The following EPCAM variants were observed in gnomAD, a reference collection of about 807,000 sequenced individuals.
EPCAM encodes the protein epithelial cell adhesion molecule.
EPCAM carries 39 observed loss-of-function variants against 40.0 expected under a neutral mutation model. The ratio of observed to expected loss-of-function variants is 0.98; its 90% CI spans 0.76 to 1.27. The LOEUF (loss-of-function observed/expected upper bound fraction) is 1.27. Ranked by LOEUF, EPCAM falls within the 50% of genes most tolerant of loss-of-function variation. The probability of loss-of-function intolerance (pLI) is 0.00; values close to 1 mark genes in which losing one functional copy is unlikely to be tolerated. For missense variants in EPCAM, 503 were observed against 381.2 expected (o/e 1.32, Z -2.66); for synonymous variants, 168 against 132.3 (o/e 1.27, Z -1.85).
At chr2:47,373,205 TAAAAAAAAA>T (rs777057814) in intron 1 of EPCAM, among the ~76,000 whole-genome samples, 4 of 65,056 alleles carry the variant, frequency 6.1e-5, no homozygotes, top group South Asian at 5.6e-4. Context: ...ACCCTATCTT[TAAAAAAAAA>T]AAAAAAAAAA....
At position 47,379,951 on chromosome 2, in the gene EPCAM, T is replaced by C; in HGVS notation, c.840T>C (p.Val280=). The change falls in exon 7 of 9, where the codon GTT becomes GTC. Residue 280 remains valine (V), a synonymous_variant. Coordinates refer to ENST00000263735, the MANE Select transcript of EPCAM (RefSeq NM_002354.3). The part of the protein sequence containing the change: ...AVIVVVVIAV[V]AGIVVLVISR... ...TTGTGGTTGTGGTGATAGCAGTTGTTGCTGGAATTGTTGTGCTGGTGAGTA... is the reference window on the plus strand; with the variant it reads ...TTGTGGTTGTGGTGATAGCAGTTGTCGCTGGAATTGTTGTGCTGGTGAGTA... 6.2e-7 allele frequency: 1 copy of C among 1,612,874 alleles called. No homozygotes were observed.
rs761536076 is a variant in EPCAM at position 47,373,443 on chromosome 2, T to C, written c.77-20T>C. 2 of 1,228,814 alleles carry C rather than the reference T, an allele frequency of 1.6e-6. No individual in the cohort carries two copies. Among genetic ancestry groups the C allele is most frequent in the Non-Finnish European group, 2.3e-6 (2 of 857,964 alleles). The allele number at this position is 1,228,814 out of a possible 1,614,324, so 76.1% of individuals were successfully genotyped here. On this transcript the variant is annotated intron_variant, in intron 1 of 8. Transcript: ENST00000263735. ...TAATAGATCCACATTTTAAAGTAGATTTTTTTTTTAATTTTCTAGAATGTG... is the reference window on the plus strand; with the variant it reads ...TAATAGATCCACATTTTAAAGTAGACTTTTTTTTTAATTTTCTAGAATGTG...
chr2:47,369,794 A>C (rs1671174996), intron 1 of EPCAM: 1 of 689,466 alleles, frequency 1.5e-6, no homozygotes, highest in Admixed American at 2.0e-5. Flanking sequence ...CTCACTTCGC[A>C]GCTTTGCTCG....
intron 1 of EPCAM, chr2:47,369,806 C>T (rs1398682407): frequency 2.4e-5 from 16 of 677,436 alleles, no homozygotes; most frequent in Middle Eastern, 4.8e-4. Context: ...CTTTGCTCGC[C>T]TTGGTAGGGA....
rs543852939 is a variant in EPCAM, at chr2:47,377,859, A to G, written c.555+782A>G. The G allele has an allele frequency of 1.4e-5, 6 of 425,124 alleles. No homozygotes were observed. The East Asian group carries it at 4.7e-4, about 34-fold the overall frequency. 26.3% of individuals were successfully genotyped at this position (425,124 alleles called of 1,614,324 possible). On this transcript the variant is annotated intron_variant, in intron 5 of 8. Transcript: ENST00000263735. ...GTTTAAAAAATAAAAAGAAGCTTGAATAGTGTGACGGAACTCTTTAAAGGT... is the reference window on the plus strand; with the variant it reads ...GTTTAAAAAATAAAAAGAAGCTTGAGTAGTGTGACGGAACTCTTTAAAGGT...
chr2:47,380,015 A>C, intron 7 of EPCAM, 46 bp downstream of exon 7: 1 of 1,562,674 alleles, frequency 6.4e-7, no homozygotes, highest in Non-Finnish European at 8.7e-7. Context: ...ATATTTTTTC[A>C]AGAAAAAGTA....
At chr2:47,385,235 G>C (rs2103768709) in intron 8 of EPCAM, 25 bp downstream of exon 8, 4 of 1,593,240 alleles carry the variant, frequency 2.5e-6, no homozygotes, top group South Asian at 1.1e-5. Flanking sequence ...TACCTAAATA[G>C]AAAGGCCCTG....
rs565159825 is a variant in EPCAM, at chr2:47,377,868, C to T, written c.555+791C>T. On this transcript the variant is annotated intron_variant, in intron 5 of 8. Coordinates refer to ENST00000263735, the MANE Select transcript of EPCAM (RefSeq NM_002354.3). ...ATAAAAAGAAGCTTGAATAGTGTGA[C>T]GGAACTCTTTAAAGGTAGTATGAAT... 147 of 411,520 alleles carry T rather than the reference C, an allele frequency of 3.6e-4. No homozygotes were observed. In the East Asian group the frequency reaches 6.1e-3, roughly 17 times the overall value. The allele number at this position is 411,520 out of a possible 1,614,324, so 25.5% of individuals were successfully genotyped here.
chr2:47,381,038 A>G (rs1671574439), intron 7 of EPCAM, among the ~76,000 whole-genome samples: 1 of 135,900 alleles, frequency 7.4e-6, no homozygotes, highest in Non-Finnish European at 1.5e-5. Flanking sequence ...GTGCGCCAAG[A>G]TCATGCCACT....
intron 4 of EPCAM, 81 bp from the exon 5 acceptor site, chr2:47,376,933 C>A: frequency 3.3e-6 from 3 of 905,218 alleles, no homozygotes; most frequent in Non-Finnish European, 5.5e-6. Context: ...AGACCCTGAG[C>A]TGTCTGCTTA....
At chr2:47,379,180 T>G (rs1671509315) in intron 6 of EPCAM, 126 bp downstream of exon 6, 1 of 682,254 alleles carries the variant, frequency 1.5e-6, no homozygotes, top group South Asian at 1.6e-5. Flanking sequence ...CTGCCGTTAA[T>G]TTTGTCCTCC....
chr2:47,385,073 C>A (rs1470121899), intron 7 of EPCAM, 93 bp from the exon 8 acceptor site: 2 of 980,144 alleles, frequency 2.0e-6, no homozygotes, highest in Non-Finnish European at 3.3e-6. Flanking sequence ...TTTTTCAGAT[C>A]AAAATTATGT....
intron 7 of EPCAM, among the ~76,000 whole-genome samples, chr2:47,384,124 CAG>C (rs1198782207): frequency 6.6e-6 from 1 of 151,244 alleles, no homozygotes; most frequent in East Asian, 2.0e-4. Flanking sequence ...TTTATGGAGA[CAG>C]AGTCTCCTTC....
In EPCAM at chr2:47,375,291, T is replaced by C; in HGVS notation, c.483T>C (p.Ser161=). The change falls in exon 4 of 9, where the codon AGT becomes AGC. Residue 161 remains serine, a synonymous_variant. Transcript: ENST00000263735. ...KAREKPYDSK[S]LRTALQKEIT... Reference sequence around the variant, plus strand: ...GAGAAAAACCTTATGATAGTAAAAGTTTGCGGACGTAAGTGCAATTAAATG... The same window carrying C: ...GAGAAAAACCTTATGATAGTAAAAGCTTGCGGACGTAAGTGCAATTAAATG... 1 of 1,609,338 alleles carries C rather than the reference T, an allele frequency of 6.2e-7. No individual in the cohort carries two copies. Among genetic ancestry groups the C allele is most frequent in the Non-Finnish European group, 8.5e-7 (1 of 1,175,740 alleles).
rs751777874 is a variant in EPCAM at position 47,373,585 on chromosome 2, C to G, written c.184+15C>G. 1.3e-6 allele frequency: 2 copies of G among 1,572,046 alleles called. No individual in the cohort carries two copies. The highest frequency in any genetic ancestry group is 1.7e-5 in the Admixed American group (1 of 59,904). On this transcript the variant is annotated intron_variant, in intron 2 of 8. Coordinates refer to ENST00000263735, the MANE Select transcript of EPCAM (RefSeq NM_002354.3). Reference sequence around the variant, plus strand: ...TTGCTCAAAGCGTGAGTAAAATATCCTAATTACCTGTAAGCTTTATTTTGA... The same window carrying G: ...TTGCTCAAAGCGTGAGTAAAATATCGTAATTACCTGTAAGCTTTATTTTGA...
Position 47,369,401 on chromosome 2 carries a change from C to G in EPCAM, c.-105C>G. 8.1e-7 allele frequency: 1 copy of G among 1,227,086 alleles called. No homozygotes were observed. The highest frequency in any genetic ancestry group is 1.1e-6 in the Non-Finnish European group (1 of 943,380). The allele number at this position is 1,227,086 out of a possible 1,614,324, so 76.0% of individuals were successfully genotyped here. ...CCTCCCGACGCGGACCCGCGTGCCCCAGGCCTCGCGCTGCCCGGCCGGCTC... is the reference window on the plus strand; with the variant it reads ...CCTCCCGACGCGGACCCGCGTGCCCGAGGCCTCGCGCTGCCCGGCCGGCTC... On this transcript the variant is annotated 5_prime_UTR_variant, in exon 1 of 9. Transcript: ENST00000263735.
chr2:47,373,502 T>A lies in EPCAM; in HGVS notation c.116T>A (p.Phe39Tyr), dbSNP rs774024869. 6.2e-7 allele frequency: 1 copy of A among 1,613,808 alleles called. No homozygotes were observed. The highest frequency in any genetic ancestry group is 8.5e-7 in the Non-Finnish European group (1 of 1,179,824). The change falls in exon 2 of 9, where the codon TTT becomes TAT. Residue 39 changes from phenylalanine to tyrosine, a missense_variant. Phe to Tyr is a conservative substitution (Grantham distance 22). Coordinates refer to ENST00000263735, the MANE Select transcript of EPCAM (RefSeq NM_002354.3). ...AACTACAAGCTGGCCGTAAACTGCTTTGTGAATAATAATCGTCAATGCCAG... is the reference window on the plus strand; with the variant it reads ...AACTACAAGCTGGCCGTAAACTGCTATGTGAATAATAATCGTCAATGCCAG... ...CENYKLAVNC[F>Y]VNNNRQCQCT...
At chr2:47,370,044 A>G (rs1671209338) in intron 1 of EPCAM, among the ~76,000 whole-genome samples, 2 of 152,182 alleles carry the variant, frequency 1.3e-5, no homozygotes, top group South Asian at 4.1e-4. Context: ...TCAGGCGGGG[A>G]CAGGCGCCCG....
In EPCAM at chr2:47,374,737, G is replaced by T. The variant is rs550016065; in HGVS notation, c.426-497G>T. Among the ~76,000 whole-genome samples the T allele has an allele frequency of 3.3e-5, 5 of 151,814 alleles. No individual in the cohort carries two copies. The South Asian group carries it at 6.2e-4, about 19-fold the overall frequency. On this transcript the variant is annotated intron_variant, in intron 3 of 8. Coordinates refer to ENST00000263735, the MANE Select transcript of EPCAM (RefSeq NM_002354.3). ...CAGCTCACTGCAACCTCTGCCTCCCGGGTTCAAGCAACTCTCCTGCCTTAG... is the reference window on the plus strand; with the variant it reads ...CAGCTCACTGCAACCTCTGCCTCCCTGGTTCAAGCAACTCTCCTGCCTTAG...
Sources: gnomAD v4.1 joint callset for allele counts (sites outside exome capture counted in the v4.1 genomes callset) on GRCh38, gnomAD v4.1.1 for gene constraint, MANE v1.5 for transcripts, NCBI Gene and HGNC (gene_info 2026-07-23, HGNC 2026-07-21) for gene names.